The following PLCB4 variants were observed in gnomAD, a reference collection of about 807,000 sequenced individuals.
PLCB4 encodes 1-phosphatidylinositol 4,5-bisphosphate phosphodiesterase beta-4.
Under a neutral mutation model 178.8 loss-of-function variants are expected in PLCB4, and 77 were observed. The observed-to-expected ratio is 0.43, with a 90% CI of 0.36 to 0.52. The LOEUF is 0.52. Ranked by LOEUF, PLCB4 falls within the 20% of genes least tolerant of loss-of-function variation. The pLI, the probability that PLCB4 is intolerant of heterozygous loss-of-function variation, is 0.00. For missense variants in PLCB4, 1,024 were observed against 1,453.4 expected (o/e 0.70, Z 4.80); for synonymous variants, 496 against 490.8 (o/e 1.01, Z -0.14).
intron 7 of PLCB4, among the ~76,000 whole-genome samples, chr20:9,360,296 C>T (rs533328372): frequency 4.6e-5 from 7 of 152,330 alleles, no homozygotes; most frequent in Admixed American, 4.6e-4. Context: ...CCTTAAAGGT[C>T]ACTCTCACTG....
chr20:9,244,802 TA>T (rs2094107569), intron 3 of PLCB4, among the ~76,000 whole-genome samples: 1 of 152,206 alleles, frequency 6.6e-6, no homozygotes, highest in Non-Finnish European at 1.5e-5. Flanking sequence ...TGATAGTAAA[TA>T]GTGATGGTTG....
At chr20:9,150,500 T>A (rs1692409700) in intron 2 of PLCB4, among the ~76,000 whole-genome samples, 1 of 152,198 alleles carries the variant, frequency 6.6e-6, no homozygotes, top group African/African-American at 2.4e-5. Flanking sequence ...GTATCTTTAT[T>A]CCTTAAGGTA....
At chr20:9,267,793 G>A (rs971145048) in intron 3 of PLCB4, among the ~76,000 whole-genome samples, 1 of 152,116 alleles carries the variant, frequency 6.6e-6, no homozygotes, top group African/African-American at 2.4e-5. Context: ...GATTCATGAT[G>A]GCCCTGCCCT....
intron 36 of PLCB4, among the ~76,000 whole-genome samples, chr20:9,470,330 CAA>C (rs974832220): frequency 7.3e-6 from 1 of 136,458 alleles, no homozygotes; most frequent in African/African-American, 2.7e-5. Context: ...AACTCCATCT[CAA>C]AAAAAAAAAG....
rs375273704 is a variant in PLCB4, at chr20:9,474,142, A to C, written c.3495+777A>C. Among the ~76,000 whole-genome samples, 11 of 152,046 alleles carry C rather than the reference A, an allele frequency of 7.2e-5. No individual in the cohort carries two copies. In the East Asian group the frequency reaches 1.5e-3, roughly 21 times the overall value. ...TGAAGCAGGAAAATCACTTGAACCC[A>C]AGAGGCGGAGGTTGCAGTGAGCCGA... On this transcript the variant is annotated intron_variant, in intron 38 of 39. Transcript: ENST00000378473.
chr20:9,375,811 C>A (rs549335725), intron 12 of PLCB4, among the ~76,000 whole-genome samples: 2 of 152,092 alleles, frequency 1.3e-5, no homozygotes, highest in East Asian at 3.9e-4. Context: ...AGCAAGGTAA[C>A]CAGAGAAACA....
chr20:9,456,710 G>C (rs1459070682), intron 33 of PLCB4, among the ~76,000 whole-genome samples: 3 of 152,144 alleles, frequency 2.0e-5, no homozygotes, highest in Non-Finnish European at 4.4e-5. Context: ...GATTTGATGC[G>C]AGACCTTGCA....
At chr20:9,073,368 C>T (rs6118468) in intron 1 of PLCB4, among the ~76,000 whole-genome samples, 10,887 of 152,110 alleles carry the variant, frequency 0.072, 906 homozygotes, top group East Asian at 0.32. Flanking sequence ...TTTGGTGGGT[C>T]CACGAATGTG....
intron 2 of PLCB4, among the ~76,000 whole-genome samples, chr20:9,109,917 T>C (rs1201846165): frequency 1.3e-5 from 2 of 152,138 alleles, no homozygotes; most frequent in African/African-American, 4.8e-5. Context: ...ACTTAACCAA[T>C]TCAGGCCTCA....
Position 9,128,052 on chromosome 20 carries a change from C to G in PLCB4, c.-79+31710C>G, listed in dbSNP as rs2092171682. Reference sequence around the variant, plus strand: ...CAAATCTCATGTTGAAATGTAATCCCCATTGTTGGAGGTGGGGCCTGGTGG... The same window carrying G: ...CAAATCTCATGTTGAAATGTAATCCGCATTGTTGGAGGTGGGGCCTGGTGG... On this transcript the variant is annotated intron_variant, in intron 2 of 39. Transcript: ENST00000378473. Among the ~76,000 whole-genome samples the G allele has an allele frequency of 1.3e-5, 2 of 152,048 alleles. 1 individual carries two copies. Among genetic ancestry groups the G allele is most frequent in the Admixed American group, 1.3e-4 (2 of 15,264 alleles).
At chr20:9,298,213 G>A (rs761296580) in intron 3 of PLCB4, among the ~76,000 whole-genome samples, 3 of 151,928 alleles carry the variant, frequency 2.0e-5, no homozygotes, top group Admixed American at 6.6e-5. Flanking sequence ...CCATTATATC[G>A]TACCCACTTT....
intron 7 of PLCB4, among the ~76,000 whole-genome samples, chr20:9,355,420 A>G (rs2034713951): frequency 6.6e-6 from 1 of 151,976 alleles, no homozygotes; most frequent in Admixed American, 6.6e-5. Flanking sequence ...CATTAGGTAT[A>G]TCTCCTAATG....
At chr20:9,111,733 T>G (rs976772628) in intron 2 of PLCB4, among the ~76,000 whole-genome samples, 1 of 152,218 alleles carries the variant, frequency 6.6e-6, no homozygotes, top group Non-Finnish European at 1.5e-5. Context: ...GATGGGCAGT[T>G]CATTTAAGAA....
intron 3 of PLCB4, among the ~76,000 whole-genome samples, chr20:9,245,981 G>C (rs1039921499): frequency 6.6e-6 from 1 of 152,004 alleles, no homozygotes; most frequent in African/African-American, 2.4e-5. Flanking sequence ...TGTTAAAGCA[G>C]CCCGAGAAAA....
intron 2 of PLCB4, among the ~76,000 whole-genome samples, chr20:9,194,599 A>G (rs973713045): frequency 6.7e-6 from 1 of 149,512 alleles, no homozygotes; most frequent in Non-Finnish European, 1.5e-5. Context: ...AGGCTGAGGC[A>G]GGAGAATGGT....
chr20:9,368,374 G>C (rs1250802518), intron 9 of PLCB4, among the ~76,000 whole-genome samples: 1 of 152,178 alleles, frequency 6.6e-6, no homozygotes, highest in Non-Finnish European at 1.5e-5. Context: ...TCAGACCAAA[G>C]TTTTGGAAAT....
At chr20:9,118,806 A>C (rs1026484474) in intron 2 of PLCB4, among the ~76,000 whole-genome samples, 1 of 152,176 alleles carries the variant, frequency 6.6e-6, no homozygotes, top group Non-Finnish European at 1.5e-5. Context: ...ATCCCATAAA[A>C]AGTGATTTAT....
intron 4 of PLCB4, among the ~76,000 whole-genome samples, chr20:9,329,505 G>GCTA: frequency 6.6e-6 from 1 of 152,180 alleles, no homozygotes; most frequent in South Asian, 2.1e-4. Flanking sequence ...ATATTACTAG[G>GCTA]TGCCACAGGC....
intron 2 of PLCB4, among the ~76,000 whole-genome samples, chr20:9,128,436 A>G (rs920089943): frequency 6.6e-6 from 1 of 152,110 alleles, no homozygotes; most frequent in East Asian, 1.9e-4. Flanking sequence ...TTAGTTTTTG[A>G]AATAGAATCT....
Sources: gnomAD v4.1 joint callset for allele counts (sites outside exome capture counted in the v4.1 genomes callset) on GRCh38, gnomAD v4.1.1 for gene constraint, MANE v1.5 for transcripts, NCBI Gene and HGNC (gene_info 2026-07-23, HGNC 2026-07-21) for gene names.